MCTP1: variants seen among roughly 807,000 people sequenced by gnomAD.
MCTP1 encodes multiple C2 and transmembrane domain-containing protein 1.
In MCTP1, 69 loss-of-function variants were observed where a neutral mutation model predicts 120.6. That is an observed-to-expected ratio of 0.57 (90% CI 0.47 to 0.70). MCTP1 has a LOEUF of 0.70. Among genes scored for constraint, MCTP1 ranks in the 30% least tolerant of loss-of-function variants. The probability of loss-of-function intolerance (pLI) is 0.00; values close to 1 mark genes in which losing one functional copy is unlikely to be tolerated. For synonymous variants in MCTP1, 529 were observed against 493.1 expected, an observed-to-expected ratio of 1.07 and a Z score of -0.96; for missense variants, 1,203 against 1,248.8, an observed-to-expected ratio of 0.96 and a Z score of 0.55.
intron 17 of MCTP1, among the ~76,000 whole-genome samples, chr5:94,832,917 A>G (rs981163802): frequency 2.0e-5 from 3 of 152,216 alleles, no homozygotes; most frequent in Admixed American, 2.0e-4. Flanking sequence ...CAAACAGTTC[A>G]CTGTAGCTCA....
chr5:94,720,526 T>TTCTA (rs1760657659), intron 19 of MCTP1, among the ~76,000 whole-genome samples: 1 of 152,118 alleles, frequency 6.6e-6, no homozygotes, highest in Non-Finnish European at 1.5e-5. Flanking sequence ...AAAGAATATA[T>TTCTA]AATGACATCA....
chr5:95,042,332 C>G (rs1419392385), intron 1 of MCTP1, among the ~76,000 whole-genome samples: 1 of 152,166 alleles, frequency 6.6e-6, no homozygotes, highest in Non-Finnish European at 1.5e-5. Context: ...GCAATTTAAA[C>G]TGCTCTATAT....
intron 11 of MCTP1, among the ~76,000 whole-genome samples, chr5:94,891,958 A>T (rs549996814): frequency 1.3e-5 from 2 of 152,202 alleles, no homozygotes; most frequent in African/African-American, 4.8e-5. Flanking sequence ...CCCTCAATAG[A>T]TGGGAAAAGA....
chr5:94,713,533 A>C (rs1393937381), intron 20 of MCTP1, among the ~76,000 whole-genome samples: 1 of 152,212 alleles, frequency 6.6e-6, no homozygotes, highest in Non-Finnish European at 1.5e-5. Context: ...ACCCCAGATA[A>C]AAGAAAGACA....
intron 2 of MCTP1, among the ~76,000 whole-genome samples, chr5:94,996,390 A>C (rs891100065): frequency 6.6e-6 from 1 of 152,200 alleles, no homozygotes; most frequent in Non-Finnish European, 1.5e-5. Flanking sequence ...ATGCTATTTC[A>C]TTAGGATTCC....
rs2153021314 is a variant in MCTP1 at position 94,799,579 on chromosome 5, T to C, written c.2437-447A>G. 3.3e-5 allele frequency among the ~76,000 whole-genome samples: 5 copies of C among 152,136 alleles called. No individual in the cohort carries two copies. The South Asian group carries it at 1.0e-3, about 32-fold the overall frequency. Reference sequence around the variant, plus strand: ...GGATAATACAATGTAACAAGCTTAATAGGCAGATGAAAATACCAGGTCTAC... The same window carrying C: ...GGATAATACAATGTAACAAGCTTAACAGGCAGATGAAAATACCAGGTCTAC... On this transcript the variant is annotated intron_variant, in intron 17 of 22. Transcript: ENST00000515393.
intron 19 of MCTP1, among the ~76,000 whole-genome samples, chr5:94,715,838 G>A (rs1454640168): frequency 1.3e-5 from 2 of 152,194 alleles, no homozygotes; most frequent in African/African-American, 4.8e-5. Flanking sequence ...CTATGGAAAT[G>A]TAGATCCAAT....
At position 95,099,261 on chromosome 5, in the gene MCTP1, A is replaced by C. The variant is rs1756519264; in HGVS notation, c.721-81777T>G. Among the ~76,000 whole-genome samples, 2 of 152,190 alleles carry C rather than the reference A, an allele frequency of 1.3e-5. 1 individual carries two copies. Among genetic ancestry groups the C allele is most frequent in the East Asian group, 3.8e-4 (2 of 5,202 alleles). ...CAAAAGCAATGGCAACAAAAGACAAAATTGACAAATGGGATCTAATGAAAC... is the reference window on the plus strand; with the variant it reads ...CAAAAGCAATGGCAACAAAAGACAACATTGACAAATGGGATCTAATGAAAC... On this transcript the variant is annotated intron_variant, in intron 1 of 22. Coordinates refer to ENST00000515393, the MANE Select transcript of MCTP1 (RefSeq NM_024717.7).
At position 95,108,383 on chromosome 5, in the gene MCTP1, A is replaced by G. The variant is rs72779441; in HGVS notation, c.721-90899T>C. 5.9e-3 allele frequency among the ~76,000 whole-genome samples: 892 copies of G among 151,912 alleles called. 4 individuals carry two copies. The highest frequency in any genetic ancestry group is 0.01 in the Middle Eastern group (3 of 292). Reference sequence around the variant, plus strand: ...TCCTAGACCTTGACACATCTTATTCACTGTCACAGAGCAACCTCACAAAGT... The same window carrying G: ...TCCTAGACCTTGACACATCTTATTCGCTGTCACAGAGCAACCTCACAAAGT... On this transcript the variant is annotated intron_variant, in intron 1 of 22. Transcript: ENST00000515393.
rs991112896 is a variant in MCTP1 at position 94,937,596 on chromosome 5, T to C, written c.1173+2488A>G. Among the ~76,000 whole-genome samples, 4 of 152,038 alleles carry C rather than the reference T, an allele frequency of 2.6e-5. No individual in the cohort carries two copies. The East Asian group carries it at 5.8e-4, about 22-fold the overall frequency. ...AATTTTTACATTTTAAAAATAAGTT[T>C]GAGCAACCATGGAGACTGAAGGATT... On this transcript the variant is annotated intron_variant, in intron 5 of 22. Coordinates refer to ENST00000515393, the MANE Select transcript of MCTP1 (RefSeq NM_024717.7).
At chr5:95,183,408 A>G (rs1277367506) in intron 1 of MCTP1, among the ~76,000 whole-genome samples, 1 of 151,388 alleles carries the variant, frequency 6.6e-6, no homozygotes, top group East Asian at 1.9e-4. Flanking sequence ...ATTTATATTT[A>G]TTAGAATTAA....
intron 19 of MCTP1, among the ~76,000 whole-genome samples, chr5:94,761,157 T>C (rs1771246423): frequency 1.3e-5 from 2 of 152,228 alleles, no homozygotes; most frequent in African/African-American, 4.8e-5. Context: ...TTTTATCACT[T>C]GACTTTTTAT....
chr5:95,163,350 C>T (rs1745960698), intron 1 of MCTP1, among the ~76,000 whole-genome samples: 1 of 152,118 alleles, frequency 6.6e-6, no homozygotes, highest in Non-Finnish European at 1.5e-5. Flanking sequence ...TCTGTATAGT[C>T]CCAATATAAG....
intron 1 of MCTP1, among the ~76,000 whole-genome samples, chr5:95,129,144 GAC>G (rs1327704241): frequency 6.6e-6 from 1 of 152,182 alleles, no homozygotes; most frequent in East Asian, 1.9e-4. Flanking sequence ...ATCAAAGAAA[GAC>G]TCTTTACTAA....
intron 1 of MCTP1, among the ~76,000 whole-genome samples, chr5:95,241,843 G>T (rs1756196982): frequency 6.6e-6 from 1 of 152,178 alleles, no homozygotes; most frequent in African/African-American, 2.4e-5. Flanking sequence ...TTCTGGGGGA[G>T]ATTTAAAGCA....
Position 94,704,004 on chromosome 5 carries a change from A to C in MCTP1, c.*3492T>G, listed in dbSNP as rs915858274. On this transcript the variant is annotated 3_prime_UTR_variant, in exon 23 of 23. Transcript: ENST00000515393. ...TTTTCACCAAAAAAAAAAGAAAAAA[A>C]AATGTTTTGTTTTCTTTCAGTGAGT... The C allele has an allele frequency of 1.5e-4, 21 of 138,428 alleles. No homozygotes were observed. Among genetic ancestry groups the C allele is most frequent in the Non-Finnish European group, 3.4e-4 (21 of 61,498 alleles). The allele number at this position is 138,428 out of a possible 1,614,324, so 8.6% of individuals were successfully genotyped here. A position where few individuals can be genotyped will look rare whatever the true frequency, so the allele number is the denominator to read the frequency against.
chr5:94,826,687 C>A (rs1307229823), intron 17 of MCTP1: 2 of 616,330 alleles, frequency 3.2e-6, no homozygotes, highest in African/African-American at 1.9e-5. Flanking sequence ...CTCTTATACA[C>A]ACTCCATGGT....
At chr5:94,870,561 C>T (rs901011190) in intron 15 of MCTP1, 70 bp from the exon 16 acceptor site, 5 of 1,130,236 alleles carry the variant, frequency 4.4e-6, no homozygotes, top group Non-Finnish European at 6.7e-6. Flanking sequence ...TCACGCAGTT[C>T]AATTTGCAAT....
intron 12 of MCTP1, among the ~76,000 whole-genome samples, chr5:94,878,705 C>T (rs1799435522): frequency 1.3e-5 from 2 of 151,816 alleles, no homozygotes; most frequent in African/African-American, 4.8e-5. Context: ...TGTGCCAGGC[C>T]ATATGAACAG....
Sources: allele counts gnomAD v4.1 joint callset (sites outside exome capture counted in the v4.1 genomes callset), GRCh38; gene constraint gnomAD v4.1.1; transcripts MANE v1.5; gene names NCBI Gene and HGNC (gene_info 2026-07-23, HGNC 2026-07-21).